Variants in RABGAP1 observed in about 807,000 individuals in gnomAD.
RABGAP1 encodes the protein RAB GTPase activating protein 1.
Under a neutral mutation model 137.6 loss-of-function variants are expected in RABGAP1, and 23 were observed. The observed-to-expected ratio is 0.17, with a 90% CI of 0.12 to 0.24. RABGAP1 has a LOEUF of 0.24. Among genes scored for constraint, RABGAP1 ranks in the 10% least tolerant of loss-of-function variants. RABGAP1 has a pLI of 1.00. For synonymous variants in RABGAP1, 451 were observed against 450.7 expected (o/e 1.00, Z -0.01); for missense variants, 906 against 1,275.8 (o/e 0.71, Z 4.42).
chr9:122,975,080 T>C (rs1835694710), intron 2 of RABGAP1, among the ~76,000 whole-genome samples: 1 of 152,210 alleles, frequency 6.6e-6, no homozygotes, highest in Non-Finnish European at 1.5e-5. Context: ...AGCTCAGCAA[T>C]ATTACTCAGT....
intron 25 of RABGAP1, among the ~76,000 whole-genome samples, chr9:123,102,884 A>G (rs187248039): frequency 6.6e-6 from 1 of 152,378 alleles, no homozygotes; most frequent in African/African-American, 2.4e-5. Flanking sequence ...CTGTTTTAAT[A>G]AATAGACCAG....
At chr9:122,970,372 T>C (rs1835405659) in intron 2 of RABGAP1, among the ~76,000 whole-genome samples, 1 of 152,206 alleles carries the variant, frequency 6.6e-6, no homozygotes, top group Non-Finnish European at 1.5e-5. Context: ...ACTTCAAGGC[T>C]GCAGTGCTCT....
intron 14 of RABGAP1, among the ~76,000 whole-genome samples, chr9:123,066,573 C>T (rs1038598524): frequency 1.3e-5 from 2 of 152,158 alleles, no homozygotes; most frequent in African/African-American, 2.4e-5. Context: ...TCACTGACTT[C>T]ATCATTTTAT....
intron 2 of RABGAP1, among the ~76,000 whole-genome samples, chr9:122,961,819 G>A (rs912258918): frequency 2.6e-5 from 4 of 152,062 alleles, no homozygotes; most frequent in South Asian, 2.1e-4. Flanking sequence ...TATGAGATGT[G>A]GAAATGTAAT....
chr9:123,076,588 C>T, intron 18 of RABGAP1, 46 bp from the exon 19 acceptor site: 2 of 1,557,444 alleles, frequency 1.3e-6, no homozygotes, highest in Non-Finnish European at 8.7e-7. Context: ...CTTGTGCATC[C>T]TTATAGCAAC....
At chr9:123,087,885 G>T (rs1266041934) in intron 19 of RABGAP1, among the ~76,000 whole-genome samples, 1 of 152,050 alleles carries the variant, frequency 6.6e-6, no homozygotes. Flanking sequence ...TCCCTTTCTA[G>T]GTCTTATTTC....
intron 2 of RABGAP1, among the ~76,000 whole-genome samples, chr9:122,960,030 C>G (rs774384339): frequency 6.6e-6 from 1 of 152,128 alleles, no homozygotes; most frequent in Non-Finnish European, 1.5e-5. Context: ...GCTTCATGCA[C>G]GACAGAGTAT....
chr9:122,957,271 C>A (rs913513615), intron 2 of RABGAP1, 62 bp downstream of exon 2: 2 of 1,315,550 alleles, frequency 1.5e-6, no homozygotes, highest in Admixed American at 5.2e-5. Flanking sequence ...CAAAACTTGG[C>A]CTTAACAGAA....
intron 13 of RABGAP1, among the ~76,000 whole-genome samples, chr9:123,025,050 G>T (rs1040370382): frequency 6.6e-6 from 1 of 152,016 alleles, no homozygotes; most frequent in Non-Finnish European, 1.5e-5. Flanking sequence ...TTTTTATTCT[G>T]TGTGTTAATT....
intron 2 of RABGAP1, among the ~76,000 whole-genome samples, chr9:122,957,735 G>A (rs530688900): frequency 6.6e-6 from 1 of 151,988 alleles, no homozygotes; most frequent in African/African-American, 2.4e-5. Context: ...AATATAAGTA[G>A]CTTTAAAAAT....
chr9:122,933,951 A>G, the RABGAP1 span, among the ~76,000 whole-genome samples: 1 of 151,176 alleles, frequency 6.6e-6, no homozygotes, highest in South Asian at 2.1e-4. Context: ...ATTTTTTTGT[A>G]GAGACCGCGC....
At chr9:123,097,933 C>A in intron 22 of RABGAP1, 88 bp downstream of exon 22, 2 of 1,060,988 alleles carry the variant, frequency 1.9e-6, no homozygotes, top group East Asian at 2.6e-5. Flanking sequence ...ACTAGAAAAC[C>A]TAGAGACATC....
chr9:123,041,750 C>G (rs1442601280), intron 13 of RABGAP1, among the ~76,000 whole-genome samples: 1 of 151,992 alleles, frequency 6.6e-6, no homozygotes, highest in African/African-American at 2.4e-5. Context: ...GGAAGAGGAG[C>G]AAAAAGAAAC....
Position 123,090,265 on chromosome 9 carries a change from T to C in RABGAP1, c.2518-10T>C. 1 of 1,599,500 alleles carries C rather than the reference T, an allele frequency of 6.3e-7. No individual in the cohort carries two copies. Among genetic ancestry groups the C allele is most frequent in the Middle Eastern group, 1.7e-4 (1 of 6,036 alleles). On this transcript the variant is annotated splice_polypyrimidine_tract_variant and intron_variant, in intron 20 of 25. Coordinates refer to ENST00000373647, the MANE Select transcript of RABGAP1 (RefSeq NM_012197.4). Reference sequence around the variant, plus strand: ...TATGTGTCTGTAACTGGTTTCTTTCTACCCTTCAGCGGGAGAATAGGCGTC... The same window carrying C: ...TATGTGTCTGTAACTGGTTTCTTTCCACCCTTCAGCGGGAGAATAGGCGTC...
intron 10 of RABGAP1, among the ~76,000 whole-genome samples, chr9:123,007,489 T>TGTCTCA (rs2030392105): frequency 6.7e-6 from 1 of 149,406 alleles, no homozygotes; most frequent in Non-Finnish European, 1.5e-5. Flanking sequence ...GTGATCCTCC[T>TGTCTCA]GTCTCAGCCT....
At chr9:122,957,249 C>G (rs921952055) in intron 2 of RABGAP1, 40 bp downstream of exon 2, 14 of 1,437,462 alleles carry the variant, frequency 9.7e-6, no homozygotes, top group Non-Finnish European at 1.3e-5. Flanking sequence ...CTTAGCTTTT[C>G]TAAGCCCATT....
At chr9:122,995,528 T>C (rs1836970430) in intron 6 of RABGAP1, among the ~76,000 whole-genome samples, 1 of 151,956 alleles carries the variant, frequency 6.6e-6, no homozygotes, top group Admixed American at 6.6e-5. Context: ...TTTTTAGCTT[T>C]ATAAATGCTT....
At chr9:123,023,877 T>C (rs2031801405) in intron 13 of RABGAP1, among the ~76,000 whole-genome samples, 1 of 152,016 alleles carries the variant, frequency 6.6e-6, no homozygotes, top group South Asian at 2.1e-4. Flanking sequence ...TAATATTACT[T>C]TGAGATTTTT....
chr9:123,053,629 T>A (rs2033578631), intron 13 of RABGAP1, among the ~76,000 whole-genome samples: 1 of 152,190 alleles, frequency 6.6e-6, no homozygotes, highest in African/African-American at 2.4e-5. Flanking sequence ...TGGTATAATG[T>A]ATTGGAGTGG....
Sources: gnomAD v4.1 joint callset for allele counts (sites outside exome capture counted in the v4.1 genomes callset) on GRCh38, gnomAD v4.1.1 for gene constraint, MANE v1.5 for transcripts, NCBI Gene and HGNC (gene_info 2026-07-23, HGNC 2026-07-21) for gene names.